Variants in ASTN1 observed in about 807,000 individuals in gnomAD.
The protein encoded by ASTN1 is astrotactin-1.
In ASTN1, 41 loss-of-function variants were observed where a neutral mutation model predicts 140.7. That is an observed-to-expected ratio of 0.29 (90% confidence interval 0.23 to 0.38). The LOEUF is 0.38. ASTN1 is among the 10% of genes least tolerant of loss of function. The pLI, the probability that ASTN1 is intolerant of heterozygous loss-of-function variation, is 1.00. For synonymous variants in ASTN1, 640 were observed against 652.2 expected, an observed-to-expected ratio of 0.98 and a Z score of 0.29; for missense variants, 1,479 against 1,678.8, an observed-to-expected ratio of 0.88 and a Z score of 2.08.
intron 1 of ASTN1, among the ~76,000 whole-genome samples, chr1:177,072,544 A>G (rs1678693350): frequency 6.6e-6 from 1 of 152,198 alleles, no homozygotes; most frequent in South Asian, 2.1e-4. Context: ...AGAATGATTT[A>G]AAAGAAATAC....
chr1:177,038,216 C>T (rs1202069308), intron 2 of ASTN1, among the ~76,000 whole-genome samples: 2 of 152,206 alleles, frequency 1.3e-5, no homozygotes, highest in African/African-American at 2.4e-5. Context: ...TTCAGTGACA[C>T]GACTTCAGCT....
chr1:177,070,249 G>T (rs1678571415), intron 1 of ASTN1, among the ~76,000 whole-genome samples: 1 of 152,156 alleles, frequency 6.6e-6, no homozygotes, highest in Non-Finnish European at 1.5e-5. Context: ...TGGTCACAGG[G>T]TGATTGTAAG....
At chr1:176,983,435 GT>G (rs890241033) in intron 8 of ASTN1, among the ~76,000 whole-genome samples, 6 of 152,314 alleles carry the variant, frequency 3.9e-5, no homozygotes, top group African/African-American at 1.4e-4. Context: ...CCTTGGTCTT[GT>G]TAGACTCGCA....
At chr1:177,028,911 G>C (rs1378043955) in intron 5 of ASTN1, among the ~76,000 whole-genome samples, 1 of 152,208 alleles carries the variant, frequency 6.6e-6, no homozygotes, top group Non-Finnish European at 1.5e-5. Context: ...AAAGCTGACC[G>C]GCGCTTGTGC....
chr1:177,051,359 G>A (rs1677533477), intron 2 of ASTN1, among the ~76,000 whole-genome samples: 1 of 152,242 alleles, frequency 6.6e-6, no homozygotes, highest in African/African-American at 2.4e-5. Flanking sequence ...GTGGCCCACT[G>A]CCTGTTTTTG....
intron 2 of ASTN1, among the ~76,000 whole-genome samples, chr1:177,050,573 G>A (rs186297594): frequency 6.4e-4 from 97 of 152,258 alleles, no homozygotes; most frequent in Non-Finnish European, 1.1e-3. Flanking sequence ...GACTTTCCTA[G>A]ATTTATTATA....
intron 21 of ASTN1, among the ~76,000 whole-genome samples, chr1:176,874,225 C>A (rs1668470411): frequency 6.6e-6 from 1 of 152,216 alleles, no homozygotes; most frequent in Non-Finnish European, 1.5e-5. Context: ...GGGTCCTCTG[C>A]AGACAGTCTC....
intron 14 of ASTN1, among the ~76,000 whole-genome samples, chr1:176,936,778 G>C (rs1671466959): frequency 6.6e-6 from 1 of 152,130 alleles, no homozygotes; most frequent in Admixed American, 6.5e-5. Flanking sequence ...ATAGGTTTTT[G>C]GTGCCCAGTC....
At chr1:176,942,550 C>A (rs1342069404) in intron 14 of ASTN1, among the ~76,000 whole-genome samples, 2 of 151,824 alleles carry the variant, frequency 1.3e-5, no homozygotes, top group Non-Finnish European at 2.9e-5. Flanking sequence ...TTGGGCCCCC[C>A]AAATCACTAA....
intron 16 of ASTN1, among the ~76,000 whole-genome samples, chr1:176,917,674 G>A (rs1670547305): frequency 6.6e-6 from 1 of 152,180 alleles, no homozygotes; most frequent in Non-Finnish European, 1.5e-5. Context: ...CAGCAGGTGA[G>A]AGAGAGGGCC....
intron 1 of ASTN1, among the ~76,000 whole-genome samples, chr1:177,066,872 G>A (rs1678385133): frequency 6.6e-6 from 1 of 152,156 alleles, no homozygotes; most frequent in Admixed American, 6.6e-5. Flanking sequence ...GAATCCAGCT[G>A]AGTACTAATG....
chr1:177,024,785 A>G, intron 5 of ASTN1, 53 bp from the exon 6 acceptor site: 1 of 1,580,158 alleles, frequency 6.3e-7, no homozygotes, highest in Non-Finnish European at 8.7e-7. Flanking sequence ...TGGCATTGAG[A>G]GTCCAACTTG....
At chr1:176,974,474 C>T (rs1179769475) in intron 8 of ASTN1, among the ~76,000 whole-genome samples, 1 of 151,922 alleles carries the variant, frequency 6.6e-6, no homozygotes, top group Non-Finnish European at 1.5e-5. Flanking sequence ...CAACCTCCGC[C>T]TCCCGGGTTC....
rs527785736 is a variant in ASTN1 at position 177,142,284 on chromosome 1, T to A, written c.283+22110A>T. ...GTCAAATTGCTGTTGTTTTTTTTTT[T>A]AATTATGCCTGTAGTACCAGCAGTT... On this transcript the variant is annotated intron_variant, in intron 1 of 22. Transcript: ENST00000361833. Among the ~76,000 whole-genome samples, 7 of 152,202 alleles carry A rather than the reference T, an allele frequency of 4.6e-5. No homozygotes were observed. In the South Asian group the frequency reaches 8.3e-4, roughly 18 times the overall value.
intron 1 of ASTN1, among the ~76,000 whole-genome samples, chr1:177,114,743 C>T (rs1475201810): frequency 6.6e-6 from 1 of 152,136 alleles, no homozygotes; most frequent in Non-Finnish European, 1.5e-5. Flanking sequence ...AGTTAAGATA[C>T]ACAACAGTTC....
chr1:177,100,356 C>T (rs893786306), intron 1 of ASTN1, among the ~76,000 whole-genome samples: 2 of 152,094 alleles, frequency 1.3e-5, no homozygotes, highest in Non-Finnish European at 2.9e-5. Flanking sequence ...AACTAAATAT[C>T]ATTCATTAAA....
intron 1 of ASTN1, among the ~76,000 whole-genome samples, chr1:177,075,021 C>A (rs1249109967): frequency 1.3e-5 from 2 of 152,160 alleles, no homozygotes; most frequent in Admixed American, 1.3e-4. Context: ...TTCTATCTCA[C>A]ACCCATTGCT....
At chr1:176,924,327 A>G (rs1436254774) in intron 16 of ASTN1, among the ~76,000 whole-genome samples, 2 of 152,140 alleles carry the variant, frequency 1.3e-5, no homozygotes, top group Admixed American at 6.5e-5. Flanking sequence ...ATCTGCCTGG[A>G]TTGTTCTGTT....
intron 20 of ASTN1, among the ~76,000 whole-genome samples, chr1:176,881,391 T>A (rs1377804257): frequency 6.6e-6 from 1 of 152,160 alleles, no homozygotes; most frequent in Non-Finnish European, 1.5e-5. Flanking sequence ...GTGTGGGTAA[T>A]GGCTGCACTC....
Sources: allele counts gnomAD v4.1 joint callset (sites outside exome capture counted in the v4.1 genomes callset), GRCh38; gene constraint gnomAD v4.1.1; transcripts MANE v1.5; gene names NCBI Gene and HGNC (gene_info 2026-07-23, HGNC 2026-07-21).